The following SLC30A8 variants were observed in gnomAD, a reference collection of about 807,000 sequenced individuals.
SLC30A8 encodes proton-coupled zinc antiporter SLC30A8.
A neutral mutation model predicts 36.9 loss-of-function variants in SLC30A8; 27 were observed. The ratio of observed to expected loss-of-function variants is 0.73; its 90% CI spans 0.54 to 1.01. The LOEUF is 1.01. Ranked by LOEUF, SLC30A8 falls within the 50% of genes least tolerant of loss-of-function variation. The pLI, the probability that SLC30A8 is intolerant of heterozygous loss-of-function variation, is 0.00. For missense variants in SLC30A8, 439 were observed against 452.0 expected (o/e 0.97, Z 0.26); for synonymous variants, 164 against 172.4 (o/e 0.95, Z 0.38).
At chr8:117,036,411 A>G (rs1316082576) in intron 1 of SLC30A8, among the ~76,000 whole-genome samples, 2 of 152,310 alleles carry the variant, frequency 1.3e-5, no homozygotes, top group African/African-American at 4.8e-5. Flanking sequence ...TTTTTATAGC[A>G]GAGCCCCAAA....
At chr8:117,088,988 A>G (rs111369584) in intron 2 of SLC30A8, among the ~76,000 whole-genome samples, 3 of 152,214 alleles carry the variant, frequency 2.0e-5, no homozygotes, top group African/African-American at 2.4e-5. Context: ...TTGAACATGC[A>G]TACATTCTTA....
At chr8:117,000,996 C>G (rs184978457) in intron 1 of SLC30A8, among the ~76,000 whole-genome samples, 2 of 152,098 alleles carry the variant, frequency 1.3e-5, no homozygotes, top group African/African-American at 4.8e-5. Context: ...AATCCATTTT[C>G]CCCTTCATCT....
intron 1 of SLC30A8, among the ~76,000 whole-genome samples, chr8:117,024,501 A>G (rs1816810037): frequency 6.6e-6 from 1 of 152,194 alleles, no homozygotes; most frequent in Non-Finnish European, 1.5e-5. Flanking sequence ...TCCTTATGGC[A>G]ACTGCATTTG....
chr8:117,103,406 G>A (rs1205648672), intron 2 of SLC30A8, among the ~76,000 whole-genome samples: 1 of 152,102 alleles, frequency 6.6e-6, no homozygotes, highest in African/African-American at 2.4e-5. Flanking sequence ...TGGTAGTGCT[G>A]TCCTTTCAGC....
intron 2 of SLC30A8, among the ~76,000 whole-genome samples, chr8:117,067,848 A>G (rs34703023): frequency 0.098 from 14,938 of 152,204 alleles, 918 homozygotes; most frequent in East Asian, 0.14. Flanking sequence ...CAAAAATAAC[A>G]TTTTACTGGG....
chr8:117,059,968 A>C (rs1249589577), intron 2 of SLC30A8, among the ~76,000 whole-genome samples: 1 of 152,090 alleles, frequency 6.6e-6, no homozygotes, highest in Non-Finnish European at 1.5e-5. Flanking sequence ...AGGAGGGAAC[A>C]GATACGAGAG....
intron 1 of SLC30A8, among the ~76,000 whole-genome samples, chr8:117,018,795 G>C (rs1816611845): frequency 6.6e-6 from 1 of 151,674 alleles, no homozygotes; most frequent in South Asian, 2.1e-4. Flanking sequence ...GCCTCCCTGG[G>C]ACTACAGGGG....
Position 117,032,593 on chromosome 8 carries a change from G to A in SLC30A8, c.-265-6626G>A, listed in dbSNP as rs146336873. On this transcript the variant is annotated intron_variant, in intron 1 of 10. Coordinates refer to the SLC30A8 transcript ENST00000427715. Reference sequence around the variant, plus strand: ...TTAAAATTCTAAAACTCTTTAGAAAGACTTGTTAACCTTTGGCTGAGTGCA... The same window carrying A: ...TTAAAATTCTAAAACTCTTTAGAAAAACTTGTTAACCTTTGGCTGAGTGCA... Among the ~76,000 whole-genome samples the A allele has an allele frequency of 4.4e-3, 664 of 152,240 alleles. 4 individuals are homozygous for A. The highest frequency in any genetic ancestry group is 6.6e-3 in the Non-Finnish European group (448 of 68,000).
chr8:116,968,192 A>G (rs996635800), intron 1 of SLC30A8, among the ~76,000 whole-genome samples: 2 of 152,270 alleles, frequency 1.3e-5, no homozygotes, highest in South Asian at 2.1e-4. Context: ...TGGTAACCAC[A>G]CTAATCAGCT....
At chr8:117,049,754 G>A (rs767574706) in intron 2 of SLC30A8, among the ~76,000 whole-genome samples, 22 of 152,082 alleles carry the variant, frequency 1.4e-4, no homozygotes, top group Non-Finnish European at 5.9e-5. Context: ...GGCCCTATTA[G>A]AAAATGGCTT....
intron 2 of SLC30A8, among the ~76,000 whole-genome samples, chr8:117,080,445 T>G (rs1818637211): frequency 6.6e-6 from 1 of 152,166 alleles, no homozygotes; most frequent in Admixed American, 6.5e-5. Context: ...ATTGACTCTC[T>G]TACCCACGTA....
At chr8:117,138,651 A>G (rs1035986544) in intron 1 of SLC30A8, among the ~76,000 whole-genome samples, 2 of 152,022 alleles carry the variant, frequency 1.3e-5, no homozygotes, top group African/African-American at 4.8e-5. Context: ...CTCATAGGGT[A>G]TAATCTCTAG....
intron 1 of SLC30A8, among the ~76,000 whole-genome samples, chr8:117,009,989 C>G (rs1816295976): frequency 6.6e-6 from 1 of 152,198 alleles, no homozygotes; most frequent in South Asian, 2.1e-4. Context: ...AAGGTTTGAA[C>G]AGCACAGGCT....
chr8:117,164,113 C>G (rs2129692553), intron 6 of SLC30A8: 1 of 152,418 alleles, frequency 6.6e-6, no homozygotes, highest in East Asian at 1.9e-4. Context: ...GAACAGGGTG[C>G]CACTAGGTTG....
intron 1 of SLC30A8, among the ~76,000 whole-genome samples, chr8:116,965,388 G>A (rs538517270): frequency 2.8e-4 from 42 of 152,274 alleles, no homozygotes; most frequent in African/African-American, 9.4e-4. Flanking sequence ...CAAAATAAGA[G>A]GGAAATGTAA....
At chr8:117,075,808 CCTTGATAGGGTGTAG>C in intron 2 of SLC30A8, among the ~76,000 whole-genome samples, 1 of 152,274 alleles carries the variant, frequency 6.6e-6, no homozygotes, top group Admixed American at 6.5e-5. Flanking sequence ...AGGCAAAAAA[CCTTGATAGGGTGTAG>C]AAGTTCCTCT....
At chr8:117,128,564 T>TAAGA (rs1821006883) in intron 2 of SLC30A8, 1 of 151,998 alleles carries the variant, frequency 6.6e-6, no homozygotes. Context: ...TTGCCTAGGG[T>TAAGA]AAGAAGAAGA....
chr8:116,986,184 T>G (rs73312243), intron 1 of SLC30A8, among the ~76,000 whole-genome samples: 5,829 of 152,284 alleles, frequency 0.038, 363 homozygotes, highest in African/African-American at 0.13. Context: ...TCTTCTTAGT[T>G]TTCTTCATAG....
intron 2 of SLC30A8, among the ~76,000 whole-genome samples, chr8:117,125,363 A>T (rs1295018869): frequency 6.6e-6 from 1 of 152,020 alleles, no homozygotes; most frequent in African/African-American, 2.4e-5. Flanking sequence ...TGGTCAGCAG[A>T]GGAACCAGTA....
Sources: allele counts gnomAD v4.1 joint callset (sites outside exome capture counted in the v4.1 genomes callset), GRCh38; gene constraint gnomAD v4.1.1; transcripts MANE v1.5; gene names NCBI Gene and HGNC (gene_info 2026-07-23, HGNC 2026-07-21).